LTV1: variants seen among roughly 807,000 people sequenced by gnomAD.
The protein encoded by LTV1 is protein LTV1 homolog.
A neutral mutation model predicts 59.9 loss-of-function variants in LTV1; 39 were observed. That is an observed-to-expected ratio of 0.65 (90% CI 0.50 to 0.85). The LOEUF (loss-of-function observed/expected upper bound fraction) is 0.85, where lower values mean the gene tolerates loss of function less well. Ranked by LOEUF, LTV1 falls within the 40% of genes least tolerant of loss-of-function variation. The pLI is 0.00. For missense variants in LTV1, 493 were observed against 549.1 expected (o/e 0.90, Z 1.02); for synonymous variants, 171 against 189.5 (o/e 0.90, Z 0.80).
chr6:143,862,856 A>G lies in LTV1; in HGVS notation c.1076A>G (p.Asn359Ser), dbSNP rs772061252. ...DCESICSTYS[N>S]LYNHPQLIKY... Reference sequence around the variant, plus strand: ...TTTGTTTGTTTAGGTACATACTCAAATTTATATAACCATCCACAGCTTATC... The same window carrying G: ...TTTGTTTGTTTAGGTACATACTCAAGTTTATATAACCATCCACAGCTTATC... Residue 359 changes from asparagine (N) to serine (S), a missense_variant, in exon 9 of 11, where the codon AAT becomes AGT. Physicochemically the swap from Asn to Ser is conservative, Grantham distance 46. Coordinates refer to ENST00000367576, the MANE Select transcript of LTV1 (RefSeq NM_032860.5). The surrounding 1 kb of genome is among the most constrained non-coding windows in gnomAD (Gnocchi z 4.2). The G allele has an allele frequency of 6.3e-7, 1 of 1,587,034 alleles. No individual in the cohort carries two copies.
At position 143,843,450 on chromosome 6, in the gene LTV1, T is replaced by C; in HGVS notation, c.-28T>C. Reference sequence around the variant, plus strand: ...TTCGAGGGTGTCATCGCCGCCCCTGTTGGGGGTGAGCGCCGCGCGGCTGCA... The same window carrying C: ...TTCGAGGGTGTCATCGCCGCCCCTGCTGGGGGTGAGCGCCGCGCGGCTGCA... On this transcript the variant is annotated 5_prime_UTR_variant, in exon 1 of 11. Transcript: ENST00000367576. The C allele has an allele frequency of 6.2e-7, 1 of 1,612,786 alleles. No homozygotes were observed. The highest frequency in any genetic ancestry group is 1.1e-5 in the South Asian group (1 of 91,076).
intron 1 of LTV1, 92 bp downstream of exon 1, chr6:143,843,572 G>A (rs1287199989): frequency 1.3e-6 from 2 of 1,541,628 alleles, no homozygotes; most frequent in Middle Eastern, 1.7e-4. Context: ...TGCGGCCCGG[G>A]TCTGGGTCAT....
chr6:143,860,629 T>A, intron 7 of LTV1, 76 bp downstream of exon 7: 1 of 1,277,392 alleles, frequency 7.8e-7, no homozygotes, highest in Non-Finnish European at 1.0e-6. Flanking sequence ...AGGTCTATAG[T>A]ATAACTGAAT....
At chr6:143,860,940 G>A (rs889308810) in intron 7 of LTV1, among the ~76,000 whole-genome samples, 1 of 151,020 alleles carries the variant, frequency 6.6e-6, no homozygotes, top group African/African-American at 2.4e-5. Context: ...CTGTTGCCCA[G>A]GCTGGAATGC....
chr6:143,847,835 A>T (rs904759277), intron 3 of LTV1, among the ~76,000 whole-genome samples: 2 of 152,212 alleles, frequency 1.3e-5, no homozygotes, highest in African/African-American at 4.8e-5. Context: ...AAAAATATGG[A>T]TTAGTCCCAT....
At position 143,857,184 on chromosome 6, in the gene LTV1, G is replaced by A. The variant is rs1342706811; in HGVS notation, c.398-119G>A. 1.7e-5 allele frequency: 20 copies of A among 1,212,110 alleles called. No individual in the cohort carries two copies. The highest frequency in any genetic ancestry group is 1.5e-5 in the African/African-American group (1 of 65,064). The allele number at this position is 1,212,110 out of a possible 1,614,324, so 75.1% of individuals were successfully genotyped here. On this transcript the variant is annotated intron_variant, in intron 4 of 10. Transcript: ENST00000367576. This position sits in a 1 kb window ranked among gnomAD's most constrained non-coding sequence, Gnocchi z 5.2. ...ACTAGACTGAACTTAGTTCTTAATC[G>A]TTCTTTTATCCTCAATATATTAATA...
intron 6 of LTV1, 27 bp from the exon 7 acceptor site, chr6:143,860,396 CATG>C: frequency 1.2e-6 from 2 of 1,603,356 alleles, no homozygotes; most frequent in Non-Finnish European, 1.7e-6. Context: ...ATTTGCTTTT[CATG>C]GTATCTTTTC....
Position 143,846,071 on chromosome 6 carries a change from A to G in LTV1, c.156A>G (p.Arg52=), listed in dbSNP as rs140600321. ...TATAGATAGACAATGAAGAAAGGCG[A>G]GCAGAACAGAGGAAGTATGGAGTGT... The part of the protein sequence containing the change: ...PTQKIDNEER[R]AEQRKYGVFF... The change falls in exon 3 of 11, where the codon CGA becomes CGG. Residue 52 remains arginine, a synonymous_variant. Transcript: ENST00000367576. 3.7e-4 allele frequency: 605 copies of G among 1,613,548 alleles called. 1 individual carries two copies. Among genetic ancestry groups the G allele is most frequent in the Admixed American group, 5.2e-4 (31 of 59,878 alleles).
intron 3 of LTV1, among the ~76,000 whole-genome samples, chr6:143,847,820 T>C (rs1776918002): frequency 6.6e-6 from 1 of 152,158 alleles, no homozygotes; most frequent in African/African-American, 2.4e-5. Flanking sequence ...TCTGAAGAGC[T>C]ATGAAAAAAT....
intron 6 of LTV1, among the ~76,000 whole-genome samples, chr6:143,859,022 C>T (rs1040994652): frequency 7.9e-5 from 12 of 152,124 alleles, no homozygotes; most frequent in African/African-American, 2.9e-4. Flanking sequence ...TTATTTTCCC[C>T]CTTGAATTCT....
rs1777211050 is a variant in LTV1, at chr6:143,863,527, G to T, written c.1428G>T (p.Ter476TyrextTer36). ...LKKNVEGLKL[*>Y] ...AGAATGTTGAGGGTCTAAAGCTATAGACAGTGGAGCATACAGGGCAAGGCA... is the reference window on the plus strand; with the variant it reads ...AGAATGTTGAGGGTCTAAAGCTATATACAGTGGAGCATACAGGGCAAGGCA... The change falls in exon 11 of 11, where the codon TAG becomes TAT. Residue 476 changes from the stop codon to tyrosine (Y), a stop_lost. Transcript: ENST00000367576. This position sits in a 1 kb window ranked among gnomAD's most constrained non-coding sequence, Gnocchi z 4.5. 3 of 1,608,560 alleles carry T rather than the reference G, an allele frequency of 1.9e-6. No individual in the cohort carries two copies. In the East Asian group the frequency reaches 6.7e-5, roughly 36 times the overall value.
rs1337926658 is a variant in LTV1, at chr6:143,850,153, C to T, written c.332C>T (p.Ser111Leu). The change falls in exon 4 of 11, where the codon TCA becomes TTA. Residue 111 changes from serine to leucine, a missense_variant. Ser to Leu is a moderately radical substitution (Grantham distance 145). Coordinates refer to ENST00000367576, the MANE Select transcript of LTV1 (RefSeq NM_032860.5). ...VIPSTGIKLP[S>L]SVFASEFEED... is the part of the protein sequence containing the mutation. ...AAGAGCACTGGAATTAAGTTGCCTT[C>T]ATCAGTGTTTGCTTCAGAGTTTGAG... 1 of 1,613,660 alleles carries T rather than the reference C, an allele frequency of 6.2e-7. No individual in the cohort carries two copies. Among genetic ancestry groups the T allele is most frequent in the South Asian group, 1.1e-5 (1 of 90,982 alleles).
At chr6:143,856,482 C>T (rs965871859) in intron 4 of LTV1, among the ~76,000 whole-genome samples, 3 of 152,156 alleles carry the variant, frequency 2.0e-5, no homozygotes, top group African/African-American at 7.2e-5. Flanking sequence ...CCCTTGCCGG[C>T]GAGGAGTTGT....
intron 3 of LTV1, among the ~76,000 whole-genome samples, chr6:143,849,870 C>G (rs1458214101): frequency 1.3e-5 from 2 of 152,090 alleles, no homozygotes; most frequent in African/African-American, 4.8e-5. Flanking sequence ...CCTTGGAATT[C>G]CTTGCCTTAT....
intron 1 of LTV1, among the ~76,000 whole-genome samples, chr6:143,844,175 T>C (rs1342943229): frequency 6.6e-6 from 1 of 152,212 alleles, no homozygotes; most frequent in Non-Finnish European, 1.5e-5. Flanking sequence ...CACGTCACTG[T>C]CTTATATTTT....
chr6:143,854,418 T>G lies in LTV1; in HGVS notation c.398-2885T>G, dbSNP rs534676417. On this transcript the variant is annotated intron_variant, in intron 4 of 10. Coordinates refer to ENST00000367576, the MANE Select transcript of LTV1 (RefSeq NM_032860.5). ...AAAACTAGCTCCTGGATTCATTGGT[T>G]TTTTTGAAGGGTTTTCGTGTCTCTA... Among the ~76,000 whole-genome samples, 34 of 152,308 alleles carry G rather than the reference T, an allele frequency of 2.2e-4. 1 individual carries two copies. The South Asian group carries it at 3.5e-3, about 16-fold the overall frequency.
intron 6 of LTV1, 189 bp downstream of exon 6, chr6:143,858,196 C>G: frequency 1.6e-6 from 1 of 621,142 alleles, no homozygotes; most frequent in South Asian, 1.9e-5. Context: ...AGTACAGGAG[C>G]ACAAAGACTG....
chr6:143,847,929 A>G (rs979296055), intron 3 of LTV1, among the ~76,000 whole-genome samples: 1 of 152,226 alleles, frequency 6.6e-6, no homozygotes, highest in African/African-American at 2.4e-5. Context: ...ACAGTGTAAG[A>G]CAGTGTAAAA....
chr6:143,857,309 G>C lies in LTV1; in HGVS notation c.404G>C (p.Arg135Pro). The change falls in exon 5 of 11, where the codon CGA (arginine) becomes CCA (proline). Residue 135 changes from arginine (R) to proline (P), a missense_variant. Coordinates refer to ENST00000367576, the MANE Select transcript of LTV1 (RefSeq NM_032860.5). This position sits in a 1 kb window ranked among gnomAD's most constrained non-coding sequence, Gnocchi z 5.2. ...ATTTTTGTTTTCCTTCTAGGACCTC[G>C]ACTGGATTTTGATCCTGACATTGTT... ...LNKAAPVSGP[R>P]LDFDPDIVAA... 1 of 1,613,580 alleles carries C rather than the reference G, an allele frequency of 6.2e-7. No individual in the cohort carries two copies. The highest frequency in any genetic ancestry group is 8.5e-7 in the Non-Finnish European group (1 of 1,179,630).
Sources: allele counts gnomAD v4.1 joint callset (sites outside exome capture counted in the v4.1 genomes callset), GRCh38; gene constraint gnomAD v4.1.1; non-coding constraint Gnocchi (gnomAD v3.1); transcripts MANE v1.5; gene names NCBI Gene and HGNC (gene_info 2026-07-23, HGNC 2026-07-21).